The following LETM1 variants were observed in gnomAD, a reference collection of about 807,000 sequenced individuals.
LETM1 encodes the protein mitochondrial proton/calcium exchanger protein.
A neutral mutation model predicts 74.5 loss-of-function variants in LETM1; 50 were observed. That is an observed-to-expected ratio of 0.67 (90% CI 0.53 to 0.85). The LOEUF (loss-of-function observed/expected upper bound fraction) is 0.85, where lower values mean the gene tolerates loss of function less well. Ranked by LOEUF, LETM1 falls within the 40% of genes least tolerant of loss-of-function variation. The pLI, the probability that LETM1 is intolerant of heterozygous loss-of-function variation, is 0.00. For missense variants in LETM1, 824 were observed against 967.8 expected (o/e 0.85, Z 1.97); for synonymous variants, 446 against 407.1 (o/e 1.10, Z -1.15).
intron 6 of LETM1, among the ~76,000 whole-genome samples, chr4:1,828,823 C>A (rs1440146280): frequency 3.7e-5 from 5 of 133,876 alleles, no homozygotes; most frequent in Non-Finnish European, 6.6e-5. Flanking sequence ...TGACCCCCCC[C>A]ACCTCCCTCC....
chr4:1,811,868 A>T lies in LETM1; in HGVS notation c.*2556T>A, dbSNP rs1417543177. ...CACTTTGGGAGGCTGAGGCGGGTGGATCACCTGAGGTCAGGAGTTGAAGAC... is the reference window on the plus strand; with the variant it reads ...CACTTTGGGAGGCTGAGGCGGGTGGTTCACCTGAGGTCAGGAGTTGAAGAC... On this transcript the variant is annotated 3_prime_UTR_variant, in exon 14 of 14. Transcript: ENST00000302787. 6.6e-6 allele frequency: 1 copy of T among 152,206 alleles called. No homozygotes were observed. The highest frequency in any genetic ancestry group is 1.5e-5 in the Non-Finnish European group (1 of 68,060). 9.4% of individuals were successfully genotyped at this position (152,206 alleles called of 1,614,324 possible).
Position 1,836,017 on chromosome 4 carries a change from G to A in LETM1, c.738+412C>T, listed in dbSNP as rs912180600. On this transcript the variant is annotated intron_variant, in intron 4 of 13. Coordinates refer to ENST00000302787, the MANE Select transcript of LETM1 (RefSeq NM_012318.3). The surrounding 1 kb of genome is among the most constrained non-coding windows in gnomAD (Gnocchi z 5.8). ...TTAAGTCCAGGAACTTGAGGCTGCA[G>A]TGAGCCGTGATCGCACCACTGCACT... is the stretch of plus-strand genomic sequence containing the variant. Among the ~76,000 whole-genome samples, 3 of 152,160 alleles carry A rather than the reference G, an allele frequency of 2.0e-5. No homozygotes were observed. The highest frequency in any genetic ancestry group is 4.4e-5 in the Non-Finnish European group (3 of 68,042).
intron 1 of LETM1, among the ~76,000 whole-genome samples, chr4:1,855,395 G>A (rs568775283): frequency 2.6e-5 from 4 of 152,252 alleles, no homozygotes; most frequent in East Asian, 3.9e-4. Flanking sequence ...CACACCACAG[G>A]GGTTTGTAGG....
chr4:1,845,959 G>A lies in LETM1; in HGVS notation c.143+3190C>T, dbSNP rs185053543. On this transcript the variant is annotated intron_variant, in intron 2 of 13. Transcript: ENST00000302787. Reference sequence around the variant, plus strand: ...GGCAACCTCCACCTCCTGGGTTCAAGGGATTCTCCTGCCTCAGCCTCCCAA... The same window carrying A: ...GGCAACCTCCACCTCCTGGGTTCAAAGGATTCTCCTGCCTCAGCCTCCCAA... Among the ~76,000 whole-genome samples, 1,351 of 152,066 alleles carry A rather than the reference G, an allele frequency of 8.9e-3. 21 individuals carry two copies. Among genetic ancestry groups the A allele is most frequent in the African/African-American group, 0.031 (1,268 of 41,458 alleles).
intron 4 of LETM1, 29 bp from the exon 5 acceptor site, chr4:1,835,011 C>A (rs1431572525): frequency 6.2e-7 from 1 of 1,607,560 alleles, no homozygotes; most frequent in Admixed American, 1.7e-5. Flanking sequence ...CACTGCATTC[C>A]AACTGCTCAG....
rs539208057 is a variant in LETM1, at chr4:1,827,262, G to A, written c.1081-1579C>T. The stretch of plus-strand genomic sequence containing the variant: ...TATATTTTTGCTGGTTATAGATCCT[G>A]GATTGACAGTTCTTTTTTTTTTTTT... On this transcript the variant is annotated intron_variant, in intron 6 of 13. Transcript: ENST00000302787. 5.3e-4 allele frequency among the ~76,000 whole-genome samples: 78 copies of A among 147,218 alleles called. 1 individual carries two copies. In the South Asian group the frequency reaches 0.016, roughly 31 times the overall value.
chr4:1,822,806 G>A (rs1263817982), intron 9 of LETM1, 182 bp downstream of exon 9: 2 of 479,226 alleles, frequency 4.2e-6, no homozygotes, highest in Non-Finnish European at 6.7e-6. Flanking sequence ...GAGTCCCCAT[G>A]TCAGAGTTGC....
At position 1,816,718 on chromosome 4, in the gene LETM1, C is replaced by T; in HGVS notation, c.1931+9G>A. On this transcript the variant is annotated intron_variant, in intron 12 of 13. Coordinates refer to ENST00000302787, the MANE Select transcript of LETM1 (RefSeq NM_012318.3). ...CCGATCCCTCTCCCGCGCCCACCAC[C>T]CCACTCACCCCGTGGGCATGCCGTT... 4 of 1,611,772 alleles carry T rather than the reference C, an allele frequency of 2.5e-6. No individual in the cohort carries two copies. The Admixed American group carries it at 6.7e-5, about 27-fold the overall frequency.
At chr4:1,854,157 T>G (rs530144225) in intron 1 of LETM1, among the ~76,000 whole-genome samples, 4 of 152,260 alleles carry the variant, frequency 2.6e-5, no homozygotes, top group East Asian at 1.9e-4. Flanking sequence ...ACTCCAAAAG[T>G]TTCAGTGGCT....
At chr4:1,820,910 G>T (rs925569078) in intron 10 of LETM1, among the ~76,000 whole-genome samples, 1 of 151,970 alleles carries the variant, frequency 6.6e-6, no homozygotes, top group African/African-American at 2.4e-5. Flanking sequence ...TATAATCCCA[G>T]CTACTCGGGA....
chr4:1,846,371 A>G (rs1180690010), intron 2 of LETM1: 1 of 152,052 alleles, frequency 6.6e-6, no homozygotes, highest in Non-Finnish European at 1.5e-5. Context: ...GGTTCAAGCA[A>G]TTCTCCTGCC....
chr4:1,834,375 A>C lies in LETM1; in HGVS notation c.876+470T>G, dbSNP rs1283697977. 1.0e-6 allele frequency: 1 copy of C among 990,160 alleles called. No homozygotes were observed. Among genetic ancestry groups the C allele is most frequent in the East Asian group, 1.1e-4 (1 of 8,900 alleles). 61.3% of individuals were successfully genotyped at this position (990,160 alleles called of 1,614,324 possible). A position where few individuals can be genotyped will look rare whatever the true frequency, so the allele number is the denominator to read the frequency against. ...TCTCCCCATCCTCACCTCACTCACC[A>C]CATGACCGCAGGAAACCTCAAGGGC... On this transcript the variant is annotated intron_variant, in intron 5 of 13. Coordinates refer to ENST00000302787, the MANE Select transcript of LETM1 (RefSeq NM_012318.3). The surrounding 1 kb of genome is among the most constrained non-coding windows in gnomAD (Gnocchi z 5.0).
At position 1,812,619 on chromosome 4, in the gene LETM1, A is replaced by T. The variant is rs1722501120; in HGVS notation, c.*1805T>A. On this transcript the variant is annotated 3_prime_UTR_variant, in exon 14 of 14. Transcript: ENST00000302787. Reference sequence around the variant, plus strand: ...CCAGACACCACTTTTAGGTGCAAGAAGAAAGGTCAGGACATAGAGAAAAAT... The same window carrying T: ...CCAGACACCACTTTTAGGTGCAAGATGAAAGGTCAGGACATAGAGAAAAAT... 1 of 152,350 alleles carries T rather than the reference A, an allele frequency of 6.6e-6. No homozygotes were observed. The highest frequency in any genetic ancestry group is 6.5e-5 in the Admixed American group (1 of 15,276). The allele number at this position is 152,350 out of a possible 1,614,324, so 9.4% of individuals were successfully genotyped here.
intron 6 of LETM1, among the ~76,000 whole-genome samples, chr4:1,831,284 C>T (rs566638967): frequency 4.6e-5 from 7 of 152,362 alleles, no homozygotes; most frequent in South Asian, 2.1e-4. Flanking sequence ...AGCGCTGCCT[C>T]GTAAGAAGTG....
chr4:1,814,370 G>C lies in LETM1; in HGVS notation c.*54C>G. ...ATCACCACAAAGCAATCGCCCTCAC[G>C]GCCCTTGCCAGGGTGACGGCACAGC... is the stretch of plus-strand genomic sequence containing the variant. On this transcript the variant is annotated 3_prime_UTR_variant, in exon 14 of 14. Transcript: ENST00000302787. 3 of 1,611,914 alleles carry C rather than the reference G, an allele frequency of 1.9e-6. No individual in the cohort carries two copies. Among genetic ancestry groups the C allele is most frequent in the Non-Finnish European group, 2.5e-6 (3 of 1,178,288 alleles).
At chr4:1,826,469 C>A (rs1423788111) in intron 6 of LETM1, among the ~76,000 whole-genome samples, 1 of 152,248 alleles carries the variant, frequency 6.6e-6, no homozygotes, top group Non-Finnish European at 1.5e-5. Context: ...TTAGCACATG[C>A]CACCCACCCA....
intron 6 of LETM1, among the ~76,000 whole-genome samples, chr4:1,828,995 C>CG (rs1712145939): frequency 9.4e-6 from 1 of 106,196 alleles, no homozygotes; most frequent in African/African-American, 4.1e-5. Flanking sequence ...GGGGGCTGAC[C>CG]CCCCCCCACC....
chr4:1,821,849 C>A (rs1711787311), intron 10 of LETM1, among the ~76,000 whole-genome samples: 2 of 152,190 alleles, frequency 1.3e-5, no homozygotes, highest in South Asian at 2.1e-4. Flanking sequence ...GGCTTCCACA[C>A]CCCTTCACTG....
At position 1,836,350 on chromosome 4, in the gene LETM1, T is replaced by C. The variant is rs1003624077; in HGVS notation, c.738+79A>G. 1.0e-5 allele frequency: 15 copies of C among 1,452,124 alleles called. No homozygotes were observed. The highest frequency in any genetic ancestry group is 2.8e-5 in the African/African-American group (2 of 70,978). 90.0% of individuals were successfully genotyped at this position (1,452,124 alleles called of 1,614,324 possible). A position where few individuals can be genotyped will look rare whatever the true frequency, so the allele number is the denominator to read the frequency against. ...TAAAGTCTCAAAAATATCTAGCACC[T>C]GAAAAGTCACAAACAAGGAAGCCAT... On this transcript the variant is annotated intron_variant, in intron 4 of 13. Transcript: ENST00000302787. The surrounding 1 kb of genome is among the most constrained non-coding windows in gnomAD (Gnocchi z 5.8).
Sources: allele counts gnomAD v4.1 joint callset (sites outside exome capture counted in the v4.1 genomes callset), GRCh38; gene constraint gnomAD v4.1.1; non-coding constraint Gnocchi (gnomAD v3.1); transcripts MANE v1.5; gene names NCBI Gene and HGNC (gene_info 2026-07-23, HGNC 2026-07-21).